The following BTBD10 variants were observed in gnomAD, a reference collection of about 807,000 sequenced individuals.
BTBD10 encodes the protein BTB domain containing 10.
In BTBD10, 21 loss-of-function variants were observed where a neutral mutation model predicts 53.2. That is an observed-to-expected ratio of 0.39 (90% CI 0.28 to 0.57). BTBD10 has a LOEUF of 0.57. Ranked by LOEUF, BTBD10 falls within the 20% of genes least tolerant of loss-of-function variation. The pLI is 0.53. For missense variants in BTBD10, 360 were observed against 594.7 expected (o/e 0.61, Z 4.10); for synonymous variants, 149 against 192.7 (o/e 0.77, Z 1.88).
At chr11:13,452,324 G>A (rs1055468116) in intron 1 of BTBD10, among the ~76,000 whole-genome samples, 1 of 152,100 alleles carries the variant, frequency 6.6e-6, no homozygotes. Flanking sequence ...ATTACACAGG[G>A]ACAGCACAAA....
At chr11:13,453,285 CAG>C (rs1950901120) in intron 1 of BTBD10, among the ~76,000 whole-genome samples, 1 of 151,512 alleles carries the variant, frequency 6.6e-6, no homozygotes, top group Non-Finnish European at 1.5e-5. Flanking sequence ...AACAAAAAAA[CAG>C]AAAAAAGAAA....
At chr11:13,449,779 A>G (rs1184400312) in intron 1 of BTBD10, among the ~76,000 whole-genome samples, 1 of 152,212 alleles carries the variant, frequency 6.6e-6, no homozygotes, top group Non-Finnish European at 1.5e-5. Flanking sequence ...TGGGTGAGAG[A>G]AAACACTAAG....
At chr11:13,441,094 T>G (rs1264667419) in intron 2 of BTBD10, among the ~76,000 whole-genome samples, 1 of 152,148 alleles carries the variant, frequency 6.6e-6, no homozygotes. Flanking sequence ...GAGCAACTTA[T>G]AAACAAATTC....
chr11:13,391,900 C>T lies in BTBD10; in HGVS notation c.1118-2759G>A, dbSNP rs573027561. 1.6e-4 allele frequency among the ~76,000 whole-genome samples: 24 copies of T among 152,310 alleles called. No homozygotes were observed. The Middle Eastern group carries it at 0.014, about 86-fold the overall frequency. On this transcript the variant is annotated intron_variant, in intron 8 of 8. Coordinates refer to ENST00000278174, the MANE Select transcript of BTBD10 (RefSeq NM_032320.7). The stretch of plus-strand genomic sequence containing the variant: ...CGGAGGCTGCAGTGAGCTGAGGTTG[C>T]GCCACCGCATTCCAGCCTGGTGACA...
intron 8 of BTBD10, among the ~76,000 whole-genome samples, chr11:13,391,690 A>C (rs950664540): frequency 6.6e-6 from 1 of 152,260 alleles, no homozygotes; most frequent in African/African-American, 2.4e-5. Context: ...AAAATAAAGT[A>C]AAATCAGCCC....
At chr11:13,428,817 T>C (rs1950394800) in intron 2 of BTBD10, among the ~76,000 whole-genome samples, 1 of 152,140 alleles carries the variant, frequency 6.6e-6, no homozygotes, top group Admixed American at 6.5e-5. Context: ...GACATTCAGA[T>C]TGATTAAGAT....
intron 6 of BTBD10, among the ~76,000 whole-genome samples, chr11:13,411,291 T>C (rs552476735): frequency 2.0e-4 from 31 of 152,296 alleles, no homozygotes; most frequent in African/African-American, 7.0e-4. Context: ...TGCAAGCAAA[T>C]TGTATAATTT....
intron 1 of BTBD10, among the ~76,000 whole-genome samples, chr11:13,460,039 C>G (rs563536490): frequency 7.4e-4 from 113 of 152,330 alleles, no homozygotes; most frequent in Middle Eastern, 3.4e-3. Context: ...TCAACAGGAG[C>G]ACCTCACAAA....
At chr11:13,439,819 T>C (rs901546121) in intron 2 of BTBD10, 50 of 1,310,632 alleles carry the variant, frequency 3.8e-5, no homozygotes, top group African/African-American at 6.0e-5. Context: ...TCTCAATCTT[T>C]CTTTCAAATT....
intron 8 of BTBD10, among the ~76,000 whole-genome samples, chr11:13,394,026 T>A (rs922244987): frequency 1.3e-5 from 2 of 152,164 alleles, no homozygotes; most frequent in African/African-American, 2.4e-5. Flanking sequence ...AATGAGAAAA[T>A]TATCATTTTG....
At chr11:13,389,172 GAGA>G in intron 8 of BTBD10, 31 bp from the exon 9 acceptor site, 1 of 1,581,250 alleles carries the variant, frequency 6.3e-7, no homozygotes, top group South Asian at 1.1e-5. Context: ...AAAAACTGAG[GAGA>G]CACACACAGA....
chr11:13,446,232 T>C (rs1173863560), intron 1 of BTBD10, among the ~76,000 whole-genome samples: 5 of 152,150 alleles, frequency 3.3e-5, no homozygotes, highest in African/African-American at 1.2e-4. Flanking sequence ...TATATACTTT[T>C]CCAAGCTGGA....
intron 6 of BTBD10, among the ~76,000 whole-genome samples, chr11:13,412,390 T>C (rs945586261): frequency 2.0e-5 from 3 of 152,028 alleles, no homozygotes; most frequent in African/African-American, 7.2e-5. Context: ...GAAGCAGAGG[T>C]TGCAGTGAGC....
At chr11:13,430,215 A>G (rs1419420250) in intron 2 of BTBD10, among the ~76,000 whole-genome samples, 1 of 152,230 alleles carries the variant, frequency 6.6e-6, no homozygotes, top group African/African-American at 2.4e-5. Flanking sequence ...CTATATAAAG[A>G]ACTCTCAAAA....
At chr11:13,405,623 TG>T (rs758773400) in intron 7 of BTBD10, 35 bp downstream of exon 7, 1 of 1,606,454 alleles carries the variant, frequency 6.2e-7, no homozygotes, top group Non-Finnish European at 8.5e-7. Context: ...TAATTCGTGA[TG>T]ATTCAGGGGA....
At chr11:13,405,463 C>G (rs145396351) in intron 7 of BTBD10, 196 bp downstream of exon 7, 2 of 585,080 alleles carry the variant, frequency 3.4e-6, no homozygotes, top group Non-Finnish European at 6.0e-6. Context: ...GCGAGCCATG[C>G]AGTTTCTGTT....
intron 2 of BTBD10, among the ~76,000 whole-genome samples, chr11:13,442,503 C>G (rs1950675332): frequency 1.3e-5 from 2 of 151,996 alleles, no homozygotes; most frequent in African/African-American, 4.8e-5. Flanking sequence ...ATAATACTAT[C>G]CACAGAGCTC....
At chr11:13,424,820 A>T (rs978893626) in intron 2 of BTBD10, among the ~76,000 whole-genome samples, 1 of 152,210 alleles carries the variant, frequency 6.6e-6, no homozygotes, top group Non-Finnish European at 1.5e-5. Flanking sequence ...AATCATTGAA[A>T]AATGGAAAGC....
At chr11:13,391,247 T>G (rs1436318354) in intron 8 of BTBD10, among the ~76,000 whole-genome samples, 1 of 152,168 alleles carries the variant, frequency 6.6e-6, no homozygotes, top group African/African-American at 2.4e-5. Flanking sequence ...TAAATACACC[T>G]GCCATATTAA....
Sources: allele counts gnomAD v4.1 joint callset (sites outside exome capture counted in the v4.1 genomes callset), GRCh38; gene constraint gnomAD v4.1.1; transcripts MANE v1.5; gene names NCBI Gene and HGNC (gene_info 2026-07-23, HGNC 2026-07-21).